Variants in MTMR10 observed in about 807,000 individuals in gnomAD.
MTMR10 encodes the protein myotubularin related protein 10.
In MTMR10, 56 loss-of-function variants were observed where a neutral mutation model predicts 88.1. The ratio of observed to expected loss-of-function variants is 0.64; its 90% CI spans 0.51 to 0.79. The LOEUF (loss-of-function observed/expected upper bound fraction) is 0.79. MTMR10 is among the 30% of genes least tolerant of loss of function. The probability of loss-of-function intolerance (pLI) is 0.00; values close to 1 mark genes in which losing one functional copy is unlikely to be tolerated. For synonymous variants in MTMR10, 380 were observed against 340.9 expected (o/e 1.11, Z -1.26); for missense variants, 883 against 924.7 (o/e 0.95, Z 0.58).
At chr15:30,942,586 G>A (rs1003307762) in intron 15 of MTMR10, 8 of 377,166 alleles carry the variant, frequency 2.1e-5, no homozygotes, top group East Asian at 4.4e-5. Context: ...ACAGCCAGGC[G>A]GCATTCCCTG....
At chr15:30,937,041 A>T, downstream of MTMR10, 2 of 1,169,500 alleles carry the variant, frequency 1.7e-6, no homozygotes, top group Non-Finnish European at 2.5e-6. Context: ...AATAGTTGTC[A>T]GTGACAACTA....
chr15:30,960,745 A>C lies in MTMR10; in HGVS notation c.758+136T>G, dbSNP rs747275626. The C allele has an allele frequency of 8.6e-4, 1,008 of 1,169,972 alleles. 1 individual carries two copies. Among genetic ancestry groups the C allele is most frequent in the Non-Finnish European group, 1.1e-3 (980 of 909,754 alleles). The allele number at this position is 1,169,972 out of a possible 1,614,324, so 72.5% of individuals were successfully genotyped here. On this transcript the variant is annotated intron_variant, in intron 7 of 15. Transcript: ENST00000435680. Reference sequence around the variant, plus strand: ...AATAAGCCTTGATCTTTAAAATAAAATATTTATTAAAACATTATTAAAAAC... The same window carrying C: ...AATAAGCCTTGATCTTTAAAATAAACTATTTATTAAAACATTATTAAAAAC...
chr15:30,955,674 G>A (rs1262273660), intron 9 of MTMR10, among the ~76,000 whole-genome samples: 1 of 152,082 alleles, frequency 6.6e-6, no homozygotes, highest in Non-Finnish European at 1.5e-5. Flanking sequence ...ACTGCATTTA[G>A]ATTAAGGAGA....
At chr15:30,957,767 AAAG>A (rs2063347598) in intron 9 of MTMR10, among the ~76,000 whole-genome samples, 1 of 152,200 alleles carries the variant, frequency 6.6e-6, no homozygotes, top group Non-Finnish European at 1.5e-5. Flanking sequence ...AGATGAGTGC[AAAG>A]AAGGCAGTCC....
At chr15:30,975,740 T>C (rs1006908299) in intron 3 of MTMR10, among the ~76,000 whole-genome samples, 10 of 152,210 alleles carry the variant, frequency 6.6e-5, no homozygotes, top group African/African-American at 2.2e-4. Flanking sequence ...ATAATAATTA[T>C]GGTAAATTAG....
intron 5 of MTMR10, 24 bp from the exon 6 acceptor site, chr15:30,968,034 ATTTGAT>A: frequency 6.7e-7 from 1 of 1,499,138 alleles, no homozygotes; most frequent in Non-Finnish European, 9.1e-7. Flanking sequence ...TACATTTAGA[ATTTGAT>A]TTTAACACAC....
intron 5 of MTMR10, among the ~76,000 whole-genome samples, chr15:30,969,617 A>G (rs2063513456): frequency 6.6e-6 from 1 of 152,166 alleles, no homozygotes; most frequent in South Asian, 2.1e-4. Context: ...CTAGAAATCT[A>G]CAAAACTTAA....
At chr15:30,990,918 G>C in intron 1 of MTMR10, 81 bp from the exon 2 acceptor site, 1 of 1,221,346 alleles carries the variant, frequency 8.2e-7, no homozygotes, top group Non-Finnish European at 1.2e-6. Flanking sequence ...TGTTTTCTAA[G>C]TGATGACACA....
At chr15:30,950,997 G>A (rs2063237197) in intron 12 of MTMR10, among the ~76,000 whole-genome samples, 1 of 152,184 alleles carries the variant, frequency 6.6e-6, no homozygotes, top group Non-Finnish European at 1.5e-5. Context: ...GTTCATTACG[G>A]CCAAAGCTTT....
intron 6 of MTMR10, among the ~76,000 whole-genome samples, chr15:30,967,330 C>A (rs2063484789): frequency 6.6e-6 from 1 of 152,120 alleles, no homozygotes; most frequent in African/African-American, 2.4e-5. Context: ...CATCTGGAAT[C>A]TTCCCTGGTC....
At chr15:30,942,405 A>T (rs1202729819) in intron 15 of MTMR10, 5 of 352,412 alleles carry the variant, frequency 1.4e-5, no homozygotes, top group Non-Finnish European at 2.0e-5. Context: ...TGGCAAACTG[A>T]ACAGAGGCAG....
At chr15:30,925,390 T>C in the MTMR10 span, 9,765 of 1,160,040 alleles carry the variant, frequency 8.4e-3, 62 homozygotes, top group Non-Finnish European at 0.011. Flanking sequence ...TGTGTTTTCT[T>C]TTAGACTCGG....
At chr15:30,986,822 A>G (rs2030969806) in intron 2 of MTMR10, among the ~76,000 whole-genome samples, 2 of 152,226 alleles carry the variant, frequency 1.3e-5, no homozygotes, top group African/African-American at 4.8e-5. Context: ...CGATACAGGC[A>G]CATGACACCT....
Position 30,991,318 on chromosome 15 carries a change from G to A in MTMR10, c.60+129C>T, listed in dbSNP as rs1046464381. The stretch of plus-strand genomic sequence containing the variant: ...GCGCATTTCGCGGCGCCGGGAATCA[G>A]GCAGCCGCGCTGCTGTGGGCAGGGA... On this transcript the variant is annotated intron_variant, in intron 1 of 15. Transcript: ENST00000435680. 14 of 974,488 alleles carry A rather than the reference G, an allele frequency of 1.4e-5. No individual in the cohort carries two copies. The Admixed American group carries it at 2.5e-4, about 18-fold the overall frequency. 60.4% of individuals were successfully genotyped at this position (974,488 alleles called of 1,614,324 possible).
chr15:30,987,075 T>A (rs2030985996), intron 2 of MTMR10, among the ~76,000 whole-genome samples: 1 of 152,286 alleles, frequency 6.6e-6, no homozygotes, highest in African/African-American at 2.4e-5. Flanking sequence ...ATTCACATAA[T>A]GAGAGGAAGA....
chr15:30,984,395 A>T (rs1415529239), intron 2 of MTMR10, among the ~76,000 whole-genome samples: 1 of 152,236 alleles, frequency 6.6e-6, no homozygotes, highest in African/African-American at 2.4e-5. Flanking sequence ...AGGGTGTGTT[A>T]CAAGTCCTTT....
the MTMR10 span, chr15:30,928,375 T>C: frequency 4.5e-4 from 637 of 1,427,192 alleles, no homozygotes; most frequent in Admixed American, 5.5e-4. Context: ...AACAACATAC[T>C]GTATAAAATA....
At chr15:30,976,237 C>T (rs2030140020) in intron 3 of MTMR10, among the ~76,000 whole-genome samples, 1 of 151,676 alleles carries the variant, frequency 6.6e-6, no homozygotes, top group African/African-American at 2.4e-5. Flanking sequence ...CCCATCTCTA[C>T]AAAAAAATAC....
At chr15:30,980,870 A>C (rs2030522495) in intron 2 of MTMR10, among the ~76,000 whole-genome samples, 1 of 152,260 alleles carries the variant, frequency 6.6e-6, no homozygotes, top group African/African-American at 2.4e-5. Flanking sequence ...ATTAGAAAGT[A>C]AATTAAAAAG....
Sources: allele counts gnomAD v4.1 joint callset (sites outside exome capture counted in the v4.1 genomes callset), GRCh38; gene constraint gnomAD v4.1.1; transcripts MANE v1.5; gene names NCBI Gene and HGNC (gene_info 2026-07-23, HGNC 2026-07-21).